The following PHOSPHO2 variants were observed in gnomAD, a reference collection of about 807,000 sequenced individuals.
PHOSPHO2 encodes the protein pyridoxal phosphate phosphatase PHOSPHO2.
PHOSPHO2 carries 14 observed loss-of-function variants against 16.4 expected under a neutral mutation model. That is an observed-to-expected ratio of 0.85 (90% CI 0.56 to 1.33). The LOEUF is 1.33. Ranked by LOEUF, PHOSPHO2 falls within the 40% of genes most tolerant of loss-of-function variation. PHOSPHO2 has a pLI of 0.00. For missense variants in PHOSPHO2, 246 were observed against 282.5 expected, an observed-to-expected ratio of 0.87 and a Z score of 0.93; for synonymous variants, 85 against 90.5, an observed-to-expected ratio of 0.94 and a Z score of 0.34.
chr2:169,701,229 A>G lies in PHOSPHO2; in HGVS notation c.258A>G (p.Arg86=), dbSNP rs750375593. Residue 86 remains arginine (R), a synonymous_variant, in exon 4 of 4, where the codon AGA becomes AGG. Coordinates refer to ENST00000359744, the MANE Select transcript of PHOSPHO2 (RefSeq NM_001008489.4). ...PGMVELFNFI[R]KNKDKFDCII... ...TGGTGGAACTCTTCAACTTTATAAG[A>G]AAGAATAAGGATAAATTTGACTGCA... 5.0e-6 allele frequency: 8 copies of G among 1,614,066 alleles called. No homozygotes were observed. In the Admixed American group the frequency reaches 1.3e-4, roughly 27 times the overall value.
At position 169,694,750 on chromosome 2, in the gene PHOSPHO2, G is replaced by A. The variant is rs556385159; in HGVS notation, c.-231+128G>A. The A allele has an allele frequency of 1.7e-5, 5 of 293,990 alleles. No individual in the cohort carries two copies. The East Asian group carries it at 3.9e-4, about 23-fold the overall frequency. 18.2% of individuals were successfully genotyped at this position (293,990 alleles called of 1,614,324 possible). ...CGGGGTGGAGCCGGCAGGTGTGTGAGCGCGCGAGGCCTAGGCGTGGTGTGT... is the reference window on the plus strand; with the variant it reads ...CGGGGTGGAGCCGGCAGGTGTGTGAACGCGCGAGGCCTAGGCGTGGTGTGT... On this transcript the variant is annotated intron_variant, in intron 1 of 3. Coordinates refer to ENST00000359744, the MANE Select transcript of PHOSPHO2 (RefSeq NM_001008489.4).
intron 3 of PHOSPHO2, 43 bp from the exon 4 acceptor site, chr2:169,700,903 G>GTAA: frequency 6.8e-7 from 1 of 1,463,998 alleles, no homozygotes; most frequent in Non-Finnish European, 9.1e-7. Context: ...AGCTAGATAT[G>GTAA]TAAACAGAGT....
In PHOSPHO2 at chr2:169,701,530, G is replaced by C. The variant is rs372455549; in HGVS notation, c.559G>C (p.Val187Leu). 109 of 1,613,584 alleles carry C rather than the reference G, an allele frequency of 6.8e-5. No homozygotes were observed. In the East Asian group the frequency reaches 1.4e-3, roughly 21 times the overall value. ...TGATGGTGGAAATGATGTCTGTCCAGTCACCTTTTTAAAGAATGATGATGT... is the reference window on the plus strand; with the variant it reads ...TGATGGTGGAAATGATGTCTGTCCACTCACCTTTTTAAAGAATGATGATGT... ...IGDGGNDVCP[V>L]TFLKNDDVAM... Residue 187 changes from valine (V) to leucine (L), a missense_variant, in exon 4 of 4, where the codon GTC becomes CTC. Val to Leu is a conservative substitution (Grantham distance 32). Transcript: ENST00000359744.
intron 3 of PHOSPHO2, among the ~76,000 whole-genome samples, chr2:169,699,539 A>G (rs1687670713): frequency 6.6e-6 from 1 of 152,218 alleles, no homozygotes; most frequent in South Asian, 2.1e-4. Flanking sequence ...GTATATACCC[A>G]GTAATGGGAT....
rs753729243 is a variant in PHOSPHO2, at chr2:169,701,077, C to T, written c.106C>T (p.Arg36Cys). 17 of 1,613,832 alleles carry T rather than the reference C, an allele frequency of 1.1e-5. No homozygotes were observed. Among genetic ancestry groups the T allele is most frequent in the African/African-American group, 5.3e-5 (4 of 74,906 alleles). The change falls in exon 4 of 4, where the codon CGT becomes TGT. Residue 36 changes from arginine to cysteine, a missense_variant. Physicochemically the swap from Arg to Cys is radical, Grantham distance 180 (BLOSUM62 -3). Coordinates refer to ENST00000359744, the MANE Select transcript of PHOSPHO2 (RefSeq NM_001008489.4). Reference sequence around the variant, plus strand: ...CAACAAAAAGCTTCCTATTGAACTACGTGATTCTTATCGAAAAGGATTTTG... The same window carrying T: ...CAACAAAAAGCTTCCTATTGAACTATGTGATTCTTATCGAAAAGGATTTTG... ...APNKKLPIEL[R>C]DSYRKGFWTE...
intron 2 of PHOSPHO2, among the ~76,000 whole-genome samples, chr2:169,697,085 G>A (rs1303251731): frequency 2.0e-5 from 3 of 151,146 alleles, no homozygotes; most frequent in Non-Finnish European, 4.4e-5. Context: ...GCGCGATCTC[G>A]GCTCACTGCA....
At position 169,701,512 on chromosome 2, in the gene PHOSPHO2, G is replaced by A. The variant is rs767433760; in HGVS notation, c.541G>A (p.Gly181Arg). The change falls in exon 4 of 4, where the codon GGA becomes AGA. Residue 181 changes from glycine (G) to arginine (R), a missense_variant. Gly to Arg is a moderately radical substitution (Grantham distance 125, BLOSUM62 -2). Transcript: ENST00000359744. ...YTQIVYIGDGGNDVCPVTFLK... is the reference protein window; with the variant it reads ...YTQIVYIGDGRNDVCPVTFLK... ...ACAAATTGTTTATATTGGTGATGGT[G>A]GAAATGATGTCTGTCCAGTCACCTT... The A allele has an allele frequency of 6.2e-6, 10 of 1,613,564 alleles. No individual in the cohort carries two copies. In the South Asian group the frequency reaches 9.9e-5, roughly 16 times the overall value.
intron 3 of PHOSPHO2, among the ~76,000 whole-genome samples, chr2:169,700,654 T>C (rs1159075909): frequency 2.6e-5 from 4 of 152,078 alleles, no homozygotes; most frequent in Non-Finnish European, 4.4e-5. Flanking sequence ...AATTTAATGA[T>C]AGTAAGAAAT....
rs1383960293 is a variant in PHOSPHO2, at chr2:169,701,304, T to C, written c.333T>C (p.Ala111=). ...TCTTCATAGATTGGGTTTTAGAAGC[T>C]GCCAGTTTTCATGACATATTTGATA... is the stretch of plus-strand genomic sequence containing the variant. ...NSVFIDWVLE[A]ASFHDIFDKV... is the part of the protein sequence containing the mutation. The change falls in exon 4 of 4, where the codon GCT becomes GCC. Residue 111 remains alanine, a synonymous_variant. Transcript: ENST00000359744. The C allele has an allele frequency of 1.9e-6, 3 of 1,612,636 alleles. No homozygotes were observed. The highest frequency in any genetic ancestry group is 1.7e-5 in the Admixed American group (1 of 59,848).
intron 2 of PHOSPHO2, among the ~76,000 whole-genome samples, chr2:169,696,197 A>C (rs976012365): frequency 6.6e-6 from 1 of 152,216 alleles, no homozygotes; most frequent in African/African-American, 2.4e-5. Context: ...AACCAAGTCA[A>C]TCTAGAGTTA....
At chr2:169,700,416 A>G (rs1455423866) in intron 3 of PHOSPHO2, among the ~76,000 whole-genome samples, 4 of 152,136 alleles carry the variant, frequency 2.6e-5, no homozygotes, top group Non-Finnish European at 5.9e-5. Flanking sequence ...ATGGCTAGCC[A>G]GTTATCCCAG....
At chr2:169,696,902 TTC>T (rs1233964408) in intron 2 of PHOSPHO2, among the ~76,000 whole-genome samples, 1 of 152,122 alleles carries the variant, frequency 6.6e-6, no homozygotes, top group Non-Finnish European at 1.5e-5. Context: ...CACATAACAT[TTC>T]TTATTTTCGA....
At chr2:169,700,163 T>C (rs1038069264) in intron 3 of PHOSPHO2, among the ~76,000 whole-genome samples, 2 of 152,232 alleles carry the variant, frequency 1.3e-5, no homozygotes, top group African/African-American at 4.8e-5. Flanking sequence ...CTGTTGATAG[T>C]TTCTTTTGCT....
rs774546334 is a variant in PHOSPHO2, at chr2:169,701,055, C to A, written c.84C>A (p.Asn28Lys). Reference sequence around the variant, plus strand: ...CTTGGATTGTACAATGTGCTCCCAACAAAAAGCTTCCTATTGAACTACGTG... The same window carrying A: ...CTTGGATTGTACAATGTGCTCCCAAAAAAAAGCTTCCTATTGAACTACGTG... ...SDTWIVQCAP[N>K]KKLPIELRDS... The change falls in exon 4 of 4, where the codon AAC becomes AAA. Residue 28 changes from asparagine to lysine, a missense_variant. Transcript: ENST00000359744. The A allele has an allele frequency of 1.7e-5, 27 of 1,613,776 alleles. No individual in the cohort carries two copies. In the South Asian group the frequency reaches 2.3e-4, roughly 14 times the overall value.
rs143826695 is a variant in PHOSPHO2, at chr2:169,698,972, A to G, written c.-27+1441A>G. On this transcript the variant is annotated intron_variant, in intron 3 of 3. Coordinates refer to ENST00000359744, the MANE Select transcript of PHOSPHO2 (RefSeq NM_001008489.4). ...CAGCAATCATTTACTTATAATATTG[A>G]TATTTAGAAATTGATTTTAAGCTAA... Among the ~76,000 whole-genome samples, 7 of 152,332 alleles carry G rather than the reference A, an allele frequency of 4.6e-5. No homozygotes were observed. The East Asian group carries it at 1.3e-3, about 29-fold the overall frequency.
chr2:169,695,941 C>T (rs561044874), intron 2 of PHOSPHO2, among the ~76,000 whole-genome samples: 6 of 152,260 alleles, frequency 3.9e-5, no homozygotes, highest in Admixed American at 3.3e-4. Context: ...TTTCTCAAGG[C>T]TGTCCAGTGT....
intron 3 of PHOSPHO2, 37 bp from the exon 4 acceptor site, chr2:169,700,909 A>G: frequency 6.7e-7 from 1 of 1,489,392 alleles, no homozygotes. Flanking sequence ...ATATGTAAAC[A>G]GAGTTTGTTT....
In PHOSPHO2 at chr2:169,700,977, A is replaced by C; in HGVS notation, c.6A>C (p.Lys2Asn). 6.3e-7 allele frequency: 1 copy of C among 1,588,424 alleles called. No individual in the cohort carries two copies. The highest frequency in any genetic ancestry group is 8.5e-7 in the Non-Finnish European group (1 of 1,169,780). M[K>N]ILLVFDFDNT... is the part of the protein sequence containing the mutation. ...CCAAATCTATTTCTGGAACCATGAA[A>C]ATTTTGCTAGTTTTTGACTTTGACA... Residue 2 changes from lysine to asparagine, a missense_variant, in exon 4 of 4, where the codon AAA becomes AAC. Coordinates refer to ENST00000359744, the MANE Select transcript of PHOSPHO2 (RefSeq NM_001008489.4).
chr2:169,700,873 G>T, intron 3 of PHOSPHO2, 73 bp from the exon 4 acceptor site: 1 of 1,349,438 alleles, frequency 7.4e-7, no homozygotes, highest in South Asian at 1.5e-5. Flanking sequence ...ATTTAGTTAT[G>T]TTTATTAAAT....
Sources: allele counts gnomAD v4.1 joint callset (sites outside exome capture counted in the v4.1 genomes callset), GRCh38; gene constraint gnomAD v4.1.1; transcripts MANE v1.5; gene names NCBI Gene and HGNC (gene_info 2026-07-23, HGNC 2026-07-21).